The following SHANK2 variants were observed in gnomAD, a reference collection of about 807,000 sequenced individuals.
SHANK2 encodes SH3 and multiple ankyrin repeat domains 2.
SHANK2 carries 43 observed loss-of-function variants against 133.7 expected under a neutral mutation model. That is an observed-to-expected ratio of 0.32 (90% CI 0.25 to 0.41). The LOEUF (loss-of-function observed/expected upper bound fraction) is 0.41, where lower values mean the gene tolerates loss of function less well. SHANK2 is among the 10% of genes least tolerant of loss of function. The pLI is 1.00. For missense variants in SHANK2, 1,994 were observed against 2,235.8 expected (o/e 0.89, Z 2.18); for synonymous variants, 1,017 against 952.8 (o/e 1.07, Z -1.24).
At chr11:70,760,059 C>T (rs906552426) in intron 14 of SHANK2, among the ~76,000 whole-genome samples, 3 of 152,232 alleles carry the variant, frequency 2.0e-5, no homozygotes, top group Non-Finnish European at 2.9e-5. Flanking sequence ...AGCGGCTTTA[C>T]GTTCCTGCTT....
At chr11:70,580,880 G>C (rs2060175971) in intron 17 of SHANK2, among the ~76,000 whole-genome samples, 1 of 152,238 alleles carries the variant, frequency 6.6e-6, no homozygotes, top group Non-Finnish European at 1.5e-5. Context: ...TGTTCCCTCT[G>C]TGGGTCCCAG....
At chr11:70,475,057 C>T (rs1555149889) in intron 25 of SHANK2, 4 of 152,350 alleles carry the variant, frequency 2.6e-5, no homozygotes, top group African/African-American at 9.7e-5. Flanking sequence ...TGTGGGGAGA[C>T]TCCCTGGAGG....
intron 10 of SHANK2, among the ~76,000 whole-genome samples, chr11:70,927,046 C>T (rs181753091): frequency 1.2e-4 from 18 of 152,082 alleles, no homozygotes; most frequent in Admixed American, 5.9e-4. Flanking sequence ...TGCCGCACGA[C>T]GTGGCAGGGA....
At chr11:70,619,009 C>G (rs1554996881) in intron 17 of SHANK2, among the ~76,000 whole-genome samples, 1 of 152,198 alleles carries the variant, frequency 6.6e-6, no homozygotes, top group Non-Finnish European at 1.5e-5. Flanking sequence ...GCCCCAGTCC[C>G]TTACCCACAC....
intron 14 of SHANK2, among the ~76,000 whole-genome samples, chr11:70,795,481 C>G (rs543593674): frequency 6.8e-6 from 1 of 147,656 alleles, no homozygotes; most frequent in Non-Finnish European, 1.5e-5. Context: ...TCTCAGCTCA[C>G]TGCAACCTCC....
chr11:71,199,564 C>T (rs1025561997), intron 2 of SHANK2, among the ~76,000 whole-genome samples: 12 of 152,228 alleles, frequency 7.9e-5, no homozygotes, highest in African/African-American at 1.9e-4. Flanking sequence ...TTCGCTAAAA[C>T]GTGCACACTC....
At position 70,704,435 on chromosome 11, in the gene SHANK2, A is replaced by G. The variant is rs992796960; in HGVS notation, c.1778-5672T>C. 9.8e-5 allele frequency among the ~76,000 whole-genome samples: 15 copies of G among 152,320 alleles called. No individual in the cohort carries two copies. The Middle Eastern group carries it at 0.017, about 173-fold the overall frequency. ...GAAGGTCCTGGTGAGGCTGACCCTCAGGAGGCCAAGCAGCCCACCCGGCAC... is the reference window on the plus strand; with the variant it reads ...GAAGGTCCTGGTGAGGCTGACCCTCGGGAGGCCAAGCAGCCCACCCGGCAC... On this transcript the variant is annotated intron_variant, in intron 14 of 25. Coordinates refer to ENST00000601538, the MANE Select transcript of SHANK2 (RefSeq NM_012309.5).
intron 15 of SHANK2, among the ~76,000 whole-genome samples, chr11:70,689,490 C>G (rs1945228940): frequency 6.6e-6 from 1 of 152,184 alleles, no homozygotes; most frequent in East Asian, 1.9e-4. Context: ...CATCCACCAT[C>G]AGATTTCAGA....
intron 4 of SHANK2, among the ~76,000 whole-genome samples, chr11:71,117,760 C>T (rs1952005959): frequency 6.6e-6 from 1 of 152,212 alleles, no homozygotes; most frequent in African/African-American, 2.4e-5. Flanking sequence ...GCCCTCCCGA[C>T]GTCGCCTAGT....
intron 17 of SHANK2, among the ~76,000 whole-genome samples, chr11:70,537,511 G>T (rs1554974356): frequency 6.6e-6 from 1 of 152,338 alleles, no homozygotes; most frequent in East Asian, 1.9e-4. Context: ...AACGCTGGGA[G>T]CCCCCAGAAG....
At chr11:70,637,417 GGGGCT>G (rs1158855714) in intron 17 of SHANK2, among the ~76,000 whole-genome samples, 3 of 152,178 alleles carry the variant, frequency 2.0e-5, no homozygotes, top group African/African-American at 7.2e-5. Context: ...GGGGGCAGGT[GGGGCT>G]GGGCTGGGTG....
intron 17 of SHANK2, among the ~76,000 whole-genome samples, chr11:70,651,640 C>T (rs775806513): frequency 1.1e-4 from 16 of 152,188 alleles, no homozygotes; most frequent in South Asian, 2.1e-4. Flanking sequence ...TGGATCCTGA[C>T]GACACGGTGA....
intron 14 of SHANK2, among the ~76,000 whole-genome samples, chr11:70,769,487 C>T (rs1020829282): frequency 3.9e-5 from 6 of 152,128 alleles, no homozygotes; most frequent in Admixed American, 6.5e-5. Context: ...CCCTGAACAA[C>T]GCTGGAGCTG....
chr11:71,108,961 G>A (rs1364635591), intron 6 of SHANK2, among the ~76,000 whole-genome samples: 2 of 152,200 alleles, frequency 1.3e-5, no homozygotes, highest in African/African-American at 2.4e-5. Context: ...TTCAGAGGTC[G>A]AGGGGGCTCC....
intron 15 of SHANK2, among the ~76,000 whole-genome samples, chr11:70,670,181 G>A (rs1944768714): frequency 1.3e-5 from 2 of 152,312 alleles, no homozygotes; most frequent in Admixed American, 1.3e-4. Flanking sequence ...TCCAAGGCAG[G>A]GAAGGGCCTG....
intron 11 of SHANK2, among the ~76,000 whole-genome samples, chr11:70,871,914 T>C (rs1949472437): frequency 6.6e-6 from 1 of 152,198 alleles, no homozygotes; most frequent in Admixed American, 6.5e-5. Context: ...AAAGAAGCCT[T>C]TGAACTACTT....
chr11:70,576,078 C>T (rs1003328633), intron 17 of SHANK2, among the ~76,000 whole-genome samples: 8 of 152,100 alleles, frequency 5.3e-5, no homozygotes, highest in East Asian at 1.9e-4. Flanking sequence ...GAGCATTTCA[C>T]GGGCTTAAAT....
At chr11:70,482,112 G>T (rs1412602097) in intron 25 of SHANK2, among the ~76,000 whole-genome samples, 2 of 152,240 alleles carry the variant, frequency 1.3e-5, no homozygotes, top group East Asian at 3.8e-4. Context: ...GGAGAGGATT[G>T]AGCCTAGTTT....
intron 11 of SHANK2, among the ~76,000 whole-genome samples, chr11:70,827,158 T>C (rs1377169883): frequency 1.3e-5 from 2 of 152,028 alleles, no homozygotes; most frequent in African/African-American, 4.8e-5. Context: ...ACACGACCTA[T>C]ATTTCTGTTC....
Sources: allele counts gnomAD v4.1 joint callset (sites outside exome capture counted in the v4.1 genomes callset), GRCh38; gene constraint gnomAD v4.1.1; transcripts MANE v1.5; gene names NCBI Gene and HGNC (gene_info 2026-07-23, HGNC 2026-07-21).